The following EFNA5 variants were observed in gnomAD, a reference collection of about 807,000 sequenced individuals.
EFNA5 encodes ephrin-A5.
A neutral mutation model predicts 22.9 loss-of-function variants in EFNA5; 5 were observed. The observed-to-expected ratio is 0.22, with a 90% CI of 0.11 to 0.46. EFNA5 has a LOEUF of 0.46. Among genes scored for constraint, EFNA5 ranks in the 20% least tolerant of loss-of-function variants. The pLI, the probability that EFNA5 is intolerant of heterozygous loss-of-function variation, is 0.99. For missense variants in EFNA5, 237 were observed against 293.3 expected, an observed-to-expected ratio of 0.81 and a Z score of 1.40; for synonymous variants, 113 against 112.2, an observed-to-expected ratio of 1.01 and a Z score of -0.04.
intron 1 of EFNA5, among the ~76,000 whole-genome samples, chr5:107,598,158 T>A (rs1389569007): frequency 6.6e-6 from 1 of 152,150 alleles, no homozygotes; most frequent in East Asian, 1.9e-4. Flanking sequence ...TCAGATACAA[T>A]GATAGGTGCT....
At chr5:107,428,439 C>A (rs1277747801) in intron 1 of EFNA5, among the ~76,000 whole-genome samples, 1 of 152,250 alleles carries the variant, frequency 6.6e-6, no homozygotes, top group African/African-American at 2.4e-5. Flanking sequence ...AAACACCACA[C>A]TGTCTGCTTC....
intron 1 of EFNA5, among the ~76,000 whole-genome samples, chr5:107,537,377 GATCACGAGGTCA>G: frequency 6.6e-6 from 1 of 151,558 alleles, no homozygotes; most frequent in African/African-American, 2.4e-5. Flanking sequence ...AAGGTGGGCA[GATCACGAGGTCA>G]GGAGTTTGAG....
chr5:107,415,372 A>G (rs1051123582), intron 2 of EFNA5, among the ~76,000 whole-genome samples: 20 of 152,210 alleles, frequency 1.3e-4, no homozygotes, highest in Admixed American at 3.9e-4. Context: ...TCTTCAGAAC[A>G]GAATTAATGG....
At chr5:107,493,266 A>G (rs1329955489) in intron 1 of EFNA5, among the ~76,000 whole-genome samples, 8 of 151,870 alleles carry the variant, frequency 5.3e-5, no homozygotes, top group Non-Finnish European at 1.2e-4. Flanking sequence ...GGAGATAAAG[A>G]CCAATAAAAC....
intron 1 of EFNA5, among the ~76,000 whole-genome samples, chr5:107,665,761 A>G (rs1172889804): frequency 6.6e-6 from 1 of 152,206 alleles, no homozygotes; most frequent in Non-Finnish European, 1.5e-5. Context: ...CTGCTTTTCA[A>G]AATTCTATGG....
chr5:107,658,060 T>C (rs935028728), intron 1 of EFNA5, among the ~76,000 whole-genome samples: 54 of 152,288 alleles, frequency 3.5e-4, no homozygotes, highest in African/African-American at 1.2e-3. Context: ...CATAGAACTT[T>C]ACAGAAAGAA....
Position 107,616,072 on chromosome 5 carries a change from T to C in EFNA5, c.125+54417A>G, listed in dbSNP as rs563554526. 4.6e-5 allele frequency among the ~76,000 whole-genome samples: 7 copies of C among 152,330 alleles called. No individual in the cohort carries two copies. In the East Asian group the frequency reaches 9.6e-4, roughly 21 times the overall value. On this transcript the variant is annotated intron_variant, in intron 1 of 4. Transcript: ENST00000333274. Reference sequence around the variant, plus strand: ...CTATGTTTGGATTTAATAAGTATTATATTGAAATCAGTAACCCAAGTTCAA... The same window carrying C: ...CTATGTTTGGATTTAATAAGTATTACATTGAAATCAGTAACCCAAGTTCAA...
At chr5:107,581,805 C>T (rs989883404) in intron 1 of EFNA5, among the ~76,000 whole-genome samples, 3 of 152,210 alleles carry the variant, frequency 2.0e-5, no homozygotes, top group African/African-American at 7.2e-5. Context: ...GACAAACTGG[C>T]TGTCCTGAAG....
intron 1 of EFNA5, among the ~76,000 whole-genome samples, chr5:107,561,422 G>C (rs1345494910): frequency 6.6e-6 from 1 of 152,114 alleles, no homozygotes; most frequent in South Asian, 2.1e-4. Flanking sequence ...AGGCTGGAGT[G>C]CAATGGCGCT....
chr5:107,545,734 G>A lies in EFNA5; in HGVS notation c.126-118225C>T, dbSNP rs755226886. Among the ~76,000 whole-genome samples, 93 of 152,156 alleles carry A rather than the reference G, an allele frequency of 6.1e-4. 1 individual carries two copies. The highest frequency in any genetic ancestry group is 1.1e-3 in the Non-Finnish European group (72 of 68,032). ...CAGCACACAAATGCAAGGGAGTTTT[G>A]TTGGCAAGAAGGGCCTCTGATGGCT... On this transcript the variant is annotated intron_variant, in intron 1 of 4. Transcript: ENST00000333274.
At chr5:107,652,772 C>T (rs1750757550) in intron 1 of EFNA5, among the ~76,000 whole-genome samples, 1 of 152,072 alleles carries the variant, frequency 6.6e-6, no homozygotes, top group African/African-American at 2.4e-5. Flanking sequence ...AAACATAAGT[C>T]AGCCAGCTGT....
At chr5:107,657,659 T>C (rs529093300) in intron 1 of EFNA5, among the ~76,000 whole-genome samples, 2 of 152,298 alleles carry the variant, frequency 1.3e-5, no homozygotes, top group South Asian at 2.1e-4. Flanking sequence ...TATACTTAAG[T>C]GGTCACTGTC....
At chr5:107,593,227 A>T (rs923839315) in intron 1 of EFNA5, among the ~76,000 whole-genome samples, 13 of 152,124 alleles carry the variant, frequency 8.5e-5, no homozygotes, top group African/African-American at 3.1e-4. Context: ...TGCACTCCTC[A>T]TTGTCAATCA....
At chr5:107,607,304 C>T (rs1352809995) in intron 1 of EFNA5, among the ~76,000 whole-genome samples, 4 of 152,184 alleles carry the variant, frequency 2.6e-5, no homozygotes, top group South Asian at 2.1e-4. Flanking sequence ...GAAGCACACT[C>T]GCACACACTT....
chr5:107,382,362 A>T lies in EFNA5; in HGVS notation c.566-986T>A, dbSNP rs1298854822. ...TAACTTATGCTTTTATTTACTTTTA[A>T]TTAAGTTAAATTAATTAATATTTTT... On this transcript the variant is annotated intron_variant, in intron 4 of 4. Transcript: ENST00000333274. 2.0e-5 allele frequency among the ~76,000 whole-genome samples: 3 copies of T among 152,116 alleles called. No individual in the cohort carries two copies. In the East Asian group the frequency reaches 5.8e-4, roughly 29 times the overall value.
chr5:107,438,802 G>A (rs1456432600), intron 1 of EFNA5, among the ~76,000 whole-genome samples: 1 of 152,134 alleles, frequency 6.6e-6, no homozygotes, highest in African/African-American at 2.4e-5. Flanking sequence ...TTCCATCCCT[G>A]TACTAACTGC....
At chr5:107,627,363 C>A (rs1334442621) in intron 1 of EFNA5, among the ~76,000 whole-genome samples, 1 of 152,188 alleles carries the variant, frequency 6.6e-6, no homozygotes, top group Admixed American at 6.5e-5. Context: ...GAACTATCTT[C>A]TTTCTCAACA....
At position 107,398,714 on chromosome 5, in the gene EFNA5, G is replaced by A. The variant is rs1580424336; in HGVS notation, c.419-10943C>T. ...AAAAAATTTTTTTTTTATTGGCCAG[G>A]TGTGGTGATGTGTACCTATGTTCCC... is the stretch of plus-strand genomic sequence containing the variant. On this transcript the variant is annotated intron_variant, in intron 2 of 4. Coordinates refer to ENST00000333274, the MANE Select transcript of EFNA5 (RefSeq NM_001962.3). Among the ~76,000 whole-genome samples the A allele has an allele frequency of 7.2e-5, 11 of 151,830 alleles. No homozygotes were observed. The South Asian group carries it at 2.3e-3, about 32-fold the overall frequency.
At chr5:107,490,782 T>G (rs25971) in intron 1 of EFNA5, among the ~76,000 whole-genome samples, 2 of 152,076 alleles carry the variant, frequency 1.3e-5, no homozygotes, top group African/African-American at 2.4e-5. Context: ...TCCTCTTTAC[T>G]TACTGTGTCA....
Sources: gnomAD v4.1 joint callset for allele counts (sites outside exome capture counted in the v4.1 genomes callset) on GRCh38, gnomAD v4.1.1 for gene constraint, MANE v1.5 for transcripts, NCBI Gene and HGNC (gene_info 2026-07-23, HGNC 2026-07-21) for gene names.